Variants in BTD observed in about 807,000 individuals in gnomAD.
BTD encodes the protein biocytinase.
Under a neutral mutation model 17.7 loss-of-function variants are expected in BTD, and 13 were observed. The ratio of observed to expected loss-of-function variants is 0.74; its 90% CI spans 0.48 to 1.17. BTD has a LOEUF of 1.17. BTD is among the 50% of genes most tolerant of loss of function. BTD has a pLI of 0.00. For missense variants in BTD, 674 were observed against 650.4 expected (o/e 1.04, Z -0.39); for synonymous variants, 240 against 245.2 (o/e 0.98, Z 0.20).
intron 3 of BTD, chr3:15,684,502 A>G (rs2067883445): frequency 6.6e-6 from 1 of 152,218 alleles, no homozygotes; most frequent in Non-Finnish European, 1.5e-5. Flanking sequence ...TGCTCAGAAA[A>G]CATACATAGA....
In BTD at chr3:15,674,196, A is replaced by AAAAAAAAAAAAAG. The variant is rs1470515364; in HGVS notation, c.399+32141_399+32142insAAAAAAAAAAGAA. Among the ~76,000 whole-genome samples, 60 of 130,128 alleles carry AAAAAAAAAAAAAG rather than the reference A, an allele frequency of 4.6e-4. 2 individuals are homozygous for AAAAAAAAAAAAAG. Among genetic ancestry groups the AAAAAAAAAAAAAG allele is most frequent in the East Asian group, 1.7e-3 (5 of 2,940 alleles). The allele number at this position is 130,128 out of a possible 152,430, so 85.4% of individuals were successfully genotyped here. On this transcript the variant is annotated intron_variant, in intron 3 of 3. Transcript: ENST00000672141. Reference sequence around the variant, plus strand: ...CTTCAAAAAAAAAAAAAAAAAAAAAAAAGAAGAAGAACCGAAATTCAAGAG... The same window carrying AAAAAAAAAAAAAG: ...CTTCAAAAAAAAAAAAAAAAAAAAAAAAAAAAAAAAAAGAAGAAGAAGAACCGAAATTCAAGAG...
At chr3:15,657,386 T>G (rs1005837192), downstream of BTD, among the ~76,000 whole-genome samples, 1 of 152,200 alleles carries the variant, frequency 6.6e-6, no homozygotes, top group African/African-American at 2.4e-5. Context: ...GCATAGTAGC[T>G]CCTTGAATCT....
At position 15,712,134 on chromosome 3, in the gene BTD, A is replaced by G. The variant is rs2455834; in HGVS notation, c.*2060A>G. 877,317 of 1,563,236 alleles carry G rather than the reference A, an allele frequency of 0.56. 255,553 individuals are homozygous for G. Among genetic ancestry groups the G allele is most frequent in the Admixed American group, 0.61 (32,047 of 52,464 alleles). ...ACATACAAAAGGCTGCAAAGGTTACACTTACCTGAAGAAAGAAGTTTTCTG... is the reference window on the plus strand; with the variant it reads ...ACATACAAAAGGCTGCAAAGGTTACGCTTACCTGAAGAAAGAAGTTTTCTG... On this transcript the variant is annotated 3_prime_UTR_variant, in exon 4 of 4. Transcript: ENST00000672141.
rs975377804 is a variant in BTD at position 15,648,306 on chromosome 3, A to G, written c.*2818A>G. ...AAAAGTATGAAATGTTTTGTGCACA[A>G]AGGCCTAGATTTGAGACAAGAGCTG... On this transcript the variant is annotated 3_prime_UTR_variant, in exon 4 of 4. Transcript: ENST00000643237. Among the ~76,000 whole-genome samples the G allele has an allele frequency of 6.6e-6, 1 of 152,228 alleles. No individual in the cohort carries two copies. Among genetic ancestry groups the G allele is most frequent in the Non-Finnish European group, 1.5e-5 (1 of 68,048 alleles).
At chr3:15,677,734 G>T (rs1482679444) in intron 3 of BTD, 3 of 463,052 alleles carry the variant, frequency 6.5e-6, no homozygotes, top group Non-Finnish European at 7.7e-6. Context: ...AATTGTATGA[G>T]ACAATTATAT....
intron 3 of BTD, among the ~76,000 whole-genome samples, chr3:15,688,754 T>C (rs2068440590): frequency 6.6e-6 from 1 of 152,234 alleles, no homozygotes; most frequent in African/African-American, 2.4e-5. Flanking sequence ...TGATACGCAG[T>C]GGGTAGCAAG....
In BTD at chr3:15,617,375, A is replaced by G. The variant is rs529717040; in HGVS notation, c.-17+15481A>G. Among the ~76,000 whole-genome samples the G allele has an allele frequency of 6.2e-4, 94 of 152,222 alleles. 1 individual carries two copies. The highest frequency in any genetic ancestry group is 3.9e-3 in the South Asian group (19 of 4,830). On this transcript the variant is annotated intron_variant, in intron 1 of 3. Coordinates refer to ENST00000643237, the MANE Select transcript of BTD (RefSeq NM_001370658.1). ...CACAAGATCATCTAGCTATTCTCCT[A>G]TGTTATCTTTTAAGAGTTTTATAGT...
At chr3:15,628,510 G>C (rs916202405) in intron 1 of BTD, among the ~76,000 whole-genome samples, 2 of 152,140 alleles carry the variant, frequency 1.3e-5, no homozygotes, top group Admixed American at 1.3e-4. Context: ...TGTTCTTTAA[G>C]GTAGTCCAAG....
At chr3:15,711,692 AT>A (rs879312791) in exon 4 of BTD, among the ~76,000 whole-genome samples, 193 of 144,734 alleles carry the variant, frequency 1.3e-3, no homozygotes, top group African/African-American at 1.8e-3. Flanking sequence ...GGTTTTCTGT[AT>A]TTTTTTTTTT....
At chr3:15,654,970 T>C (rs2065857351), downstream of BTD, among the ~76,000 whole-genome samples, 1 of 152,206 alleles carries the variant, frequency 6.6e-6, no homozygotes, top group African/African-American at 2.4e-5. Flanking sequence ...TGACCTCAGA[T>C]GATCTGCCCG....
chr3:15,641,435 T>C (rs2065504551), intron 2 of BTD, among the ~76,000 whole-genome samples: 1 of 152,152 alleles, frequency 6.6e-6, no homozygotes, highest in Admixed American at 6.5e-5. Context: ...CCGGCATCAG[T>C]GGTTTTTCAG....
At chr3:15,627,712 CTTTT>C (rs2065100185) in intron 1 of BTD, among the ~76,000 whole-genome samples, 1 of 152,046 alleles carries the variant, frequency 6.6e-6, no homozygotes, top group Non-Finnish European at 1.5e-5. Flanking sequence ...AAGGGTTATT[CTTTT>C]GTTTTGTTTT....
At chr3:15,694,518 T>A (rs1258064633) in intron 3 of BTD, among the ~76,000 whole-genome samples, 1 of 142,044 alleles carries the variant, frequency 7.0e-6, no homozygotes, top group African/African-American at 2.6e-5. Flanking sequence ...ACTGTCTGTC[T>A]TTTTTTTTTT....
chr3:15,648,837 C>T lies in BTD; in HGVS notation c.*3349C>T, dbSNP rs574619265. Among the ~76,000 whole-genome samples the T allele has an allele frequency of 6.7e-6, 1 of 149,064 alleles. No homozygotes were observed. The highest frequency in any genetic ancestry group is 2.2e-4 in the South Asian group (1 of 4,556). On this transcript the variant is annotated 3_prime_UTR_variant, in exon 4 of 4. Coordinates refer to ENST00000643237, the MANE Select transcript of BTD (RefSeq NM_001370658.1). ...ATGTCCTTATCAGAAGAGGAGAAGA[C>T]ACACACACAGGGAGAAGATGACCAT... is the stretch of plus-strand genomic sequence containing the variant.
chr3:15,614,217 G>A (rs1257876312), intron 1 of BTD, among the ~76,000 whole-genome samples: 1 of 151,156 alleles, frequency 6.6e-6, no homozygotes, highest in African/African-American at 2.4e-5. Context: ...TTAAACTCCT[G>A]GGCTCAAGCA....
Position 15,640,753 on chromosome 3 carries a change from C to T in BTD, c.250-1155C>T, listed in dbSNP as rs968798691. ...TAAAACCATATATTTATTATTATCTCCATTATATACACACATACATGTATA... is the reference window on the plus strand; with the variant it reads ...TAAAACCATATATTTATTATTATCTTCATTATATACACACATACATGTATA... On this transcript the variant is annotated intron_variant, in intron 2 of 3. Coordinates refer to ENST00000643237, the MANE Select transcript of BTD (RefSeq NM_001370658.1). 2.6e-5 allele frequency among the ~76,000 whole-genome samples: 4 copies of T among 151,900 alleles called. No homozygotes were observed. The South Asian group carries it at 8.3e-4, about 32-fold the overall frequency.
At chr3:15,612,718 T>A (rs2064673774) in intron 1 of BTD, among the ~76,000 whole-genome samples, 1 of 151,900 alleles carries the variant, frequency 6.6e-6, no homozygotes, top group Non-Finnish European at 1.5e-5. Flanking sequence ...TTATATGTTG[T>A]CTATTGTTGT....
At chr3:15,695,818 C>G (rs981538632) in intron 3 of BTD, among the ~76,000 whole-genome samples, 1 of 151,838 alleles carries the variant, frequency 6.6e-6, no homozygotes, top group Non-Finnish European at 1.5e-5. Flanking sequence ...TTTTATTTCT[C>G]ACAAAAGACA....
Position 15,650,278 on chromosome 3 carries a change from C to T in BTD, c.*4790C>T, listed in dbSNP as rs1015566232. 7.9e-5 allele frequency among the ~76,000 whole-genome samples: 12 copies of T among 152,082 alleles called. No individual in the cohort carries two copies. The highest frequency in any genetic ancestry group is 2.9e-4 in the African/African-American group (12 of 41,406). The stretch of plus-strand genomic sequence containing the variant: ...TGGAAAGTTTTTTTATTTTTGTGTT[C>T]AGTACTGAAGTAAAACAAAAATCTG... On this transcript the variant is annotated 3_prime_UTR_variant, in exon 4 of 4. Coordinates refer to ENST00000643237, the MANE Select transcript of BTD (RefSeq NM_001370658.1).
Sources: allele counts gnomAD v4.1 joint callset (sites outside exome capture counted in the v4.1 genomes callset), GRCh38; gene constraint gnomAD v4.1.1; transcripts MANE v1.5; gene names NCBI Gene and HGNC (gene_info 2026-07-23, HGNC 2026-07-21).